IGSF10: variants seen among roughly 807,000 people sequenced by gnomAD.
IGSF10 encodes calvaria mechanical force protein 608.
A neutral mutation model predicts 128.2 loss-of-function variants in IGSF10; 126 were observed. The observed-to-expected ratio is 0.98, with a 90% CI of 0.85 to 1.14. The LOEUF (loss-of-function observed/expected upper bound fraction) is 1.14. Ranked by LOEUF, IGSF10 falls within the 50% of genes most tolerant of loss-of-function variation. IGSF10 has a pLI of 0.00. For missense variants in IGSF10, 3,295 were observed against 3,149.8 expected (o/e 1.05, Z -1.10); for synonymous variants, 1,185 against 1,146.2 (o/e 1.03, Z -0.68).
At chr3:151,454,019 C>T (rs1480612025) in intron 4 of IGSF10, among the ~76,000 whole-genome samples, 1 of 126,652 alleles carries the variant, frequency 7.9e-6, no homozygotes, top group African/African-American at 3.0e-5. Flanking sequence ...TTTTCTTTTT[C>T]TTTTTTTTTT....
At chr3:151,533,720 A>T in the IGSF10 span, among the ~76,000 whole-genome samples, 2 of 152,202 alleles carry the variant, frequency 1.3e-5, no homozygotes, top group African/African-American at 4.8e-5. Flanking sequence ...AACTTAGGCA[A>T]TACCATTCAG....
Position 151,445,779 on chromosome 3 carries a change from G to T in IGSF10, c.4202C>A (p.Thr1401Lys), listed in dbSNP as rs1175653934. 1 of 1,614,250 alleles carries T rather than the reference G, an allele frequency of 6.2e-7. No homozygotes were observed. Among genetic ancestry groups the T allele is most frequent in the Admixed American group, 1.7e-5 (1 of 60,030 alleles). The change falls in exon 6 of 8, where the codon ACA becomes AAA. Residue 1401 changes from threonine (T) to lysine (K), a missense_variant. Coordinates refer to ENST00000282466, the MANE Select transcript of IGSF10 (RefSeq NM_178822.5). ...ACTGATTGTGCTTGAAATCCCAGTTGTGTTTTCTGGTGGGGAATGAGTGAA... is the reference window on the plus strand; with the variant it reads ...ACTGATTGTGCTTGAAATCCCAGTTTTGTTTTCTGGTGGGGAATGAGTGAA... The part of the protein sequence containing the change: ...SAFTHSPPEN[T>K]TGISSTISFH...
At chr3:151,491,325 C>T in the IGSF10 span, among the ~76,000 whole-genome samples, 26 of 152,188 alleles carry the variant, frequency 1.7e-4, no homozygotes, top group African/African-American at 6.3e-4. Flanking sequence ...GCCTGTAATC[C>T]CAGCACTTTG....
At chr3:151,461,638 AATACC>A (rs1346637813), upstream of IGSF10, among the ~76,000 whole-genome samples, 2 of 152,152 alleles carry the variant, frequency 1.3e-5, no homozygotes, top group African/African-American at 4.8e-5. Context: ...AAGAATCCCA[AATACC>A]ATACAATTTT....
In IGSF10 at chr3:151,448,687, C is replaced by A; in HGVS notation, c.1294G>T (p.Asp432Tyr). The A allele has an allele frequency of 6.2e-7, 1 of 1,614,136 alleles. No individual in the cohort carries two copies. Among genetic ancestry groups the A allele is most frequent in the Non-Finnish European group, 8.5e-7 (1 of 1,180,016 alleles). Residue 432 changes from aspartate to tyrosine, a missense_variant, in exon 6 of 8, where the codon GAC (aspartate) becomes TAC (tyrosine). By Grantham distance (160) the Asp-to-Tyr change is radical (BLOSUM62 -3). Transcript: ENST00000282466. The stretch of plus-strand genomic sequence containing the variant: ...CTGTTCAGCTGCAAGGAAATTTGGT[C>A]TTGCATTAACCAAGAGGGATCTGCT... The part of the protein sequence containing the change: ...LRADPSWLMQ[D>Y]QISLQLNRTA...
chr3:151,568,555 C>A, the IGSF10 span, among the ~76,000 whole-genome samples: 1 of 152,126 alleles, frequency 6.6e-6, no homozygotes, highest in African/African-American at 2.4e-5. Context: ...CTTTATAAAA[C>A]CCTGCTTCAC....
At chr3:151,487,441 AAAC>A in the IGSF10 span, among the ~76,000 whole-genome samples, 1 of 152,326 alleles carries the variant, frequency 6.6e-6, no homozygotes, top group East Asian at 1.9e-4. Context: ...CAACTATTCC[AAAC>A]AATACAAAAA....
chr3:151,597,241 A>C, the IGSF10 span, among the ~76,000 whole-genome samples: 1 of 152,324 alleles, frequency 6.6e-6, no homozygotes, highest in African/African-American at 2.4e-5. Flanking sequence ...ATGGACACAG[A>C]TTCTACTTCA....
the IGSF10 span, among the ~76,000 whole-genome samples, chr3:151,572,628 G>A: frequency 9.4e-4 from 142 of 151,834 alleles, no homozygotes; most frequent in Non-Finnish European, 1.1e-3. Context: ...TATTAGTCTT[G>A]CTAGTGTACT....
At chr3:151,546,134 G>A in the IGSF10 span, among the ~76,000 whole-genome samples, 4 of 151,564 alleles carry the variant, frequency 2.6e-5, no homozygotes, top group African/African-American at 9.7e-5. Flanking sequence ...TCTCAACCTG[G>A]GAGCATCAAA....
chr3:151,511,007 T>C, the IGSF10 span, among the ~76,000 whole-genome samples: 144 of 152,164 alleles, frequency 9.5e-4, no homozygotes, highest in African/African-American at 3.3e-3. Flanking sequence ...CTGAAAGTGA[T>C]GCGGAGAATG....
chr3:151,544,389 TTTCTC>T, the IGSF10 span, among the ~76,000 whole-genome samples: 1 of 152,204 alleles, frequency 6.6e-6, no homozygotes, highest in Non-Finnish European at 1.5e-5. Flanking sequence ...GATTTCCTGT[TTTCTC>T]TACCTCACAT....
In IGSF10 at chr3:151,453,400, C is replaced by T; in HGVS notation, c.699G>A (p.Trp233Ter). The T allele has an allele frequency of 6.3e-7, 1 of 1,598,262 alleles. No homozygotes were observed. The highest frequency in any genetic ancestry group is 1.7e-4 in the Middle Eastern group (1 of 5,956). ...TATAGATACCTGGCTTCTCCTGTATCCAGTCAGACAACCACTTTAAATGGC... is the reference window on the plus strand; with the variant it reads ...TATAGATACCTGGCTTCTCCTGTATTCAGTCAGACAACCACTTTAAATGGC... ...CDCHLKWLSD[W>*]IQEKPDVIKC... The change falls in exon 5 of 8, where the codon TGG becomes TGA. Residue 233 changes from tryptophan to a stop codon, truncating the protein, a stop_gained. Coordinates refer to ENST00000282466, the MANE Select transcript of IGSF10 (RefSeq NM_178822.5). LOFTEE classifies it high-confidence loss of function.
the IGSF10 span, among the ~76,000 whole-genome samples, chr3:151,617,338 T>TCCTCCC: frequency 5.3e-4 from 67 of 125,312 alleles, 1 homozygote; most frequent in Non-Finnish European, 6.0e-4. Flanking sequence ...CTCCTCCCCC[T>TCCTCCC]CCTCCTCCTC....
chr3:151,583,440 CA>C, the IGSF10 span, among the ~76,000 whole-genome samples: 1 of 152,072 alleles, frequency 6.6e-6, no homozygotes, highest in African/African-American at 2.4e-5. Context: ...AACTTTCACC[CA>C]GTTATTTAAA....
At position 151,444,960 on chromosome 3, in the gene IGSF10, C is replaced by T; in HGVS notation, c.5021G>A (p.Gly1674Glu). Residue 1674 changes from glycine to glutamate, a missense_variant, in exon 6 of 8, where the codon GGA (glycine) becomes GAA (glutamate). By Grantham distance (98) the Gly-to-Glu change is moderately conservative (BLOSUM62 -2). Coordinates refer to ENST00000282466, the MANE Select transcript of IGSF10 (RefSeq NM_178822.5). ...SDAFLPCEAV[G>E]NPLPTIHWTR... The stretch of plus-strand genomic sequence containing the variant: ...CCAATGAATGGTGGGCAGGGGATTT[C>T]CAACAGCTTCACAGGGAAGAAAGGC... 6.2e-7 allele frequency: 1 copy of T among 1,613,194 alleles called. No individual in the cohort carries two copies. The highest frequency in any genetic ancestry group is 1.1e-5 in the South Asian group (1 of 90,772).
At chr3:151,453,940 T>C (rs1265471919) in intron 4 of IGSF10, among the ~76,000 whole-genome samples, 166 bp from the exon 5 acceptor site, 1 of 152,064 alleles carries the variant, frequency 6.6e-6, no homozygotes, top group East Asian at 1.9e-4. Context: ...TATGACAATA[T>C]CAGAAAAATT....
Position 151,436,889 on chromosome 3 carries a change from G to C in IGSF10, c.7672C>G (p.Pro2558Ala), listed in dbSNP as rs1321229814. ...TCAGGCATCTCCCATGTGATTTCTG[G>C]CTTGGGAACTCCCAAGGCCACACAG... ...LHCVALGVPKPEITWEMPDHS... is the reference protein window; with the variant it reads ...LHCVALGVPKAEITWEMPDHS... Residue 2558 changes from proline (P) to alanine (A), a missense_variant, in exon 8 of 8, where the codon CCA becomes GCA. Transcript: ENST00000282466. 6.2e-7 allele frequency: 1 copy of C among 1,613,958 alleles called. No homozygotes were observed. Among genetic ancestry groups the C allele is most frequent in the Non-Finnish European group, 8.5e-7 (1 of 1,180,006 alleles).
the IGSF10 span, among the ~76,000 whole-genome samples, chr3:151,510,017 C>T: frequency 6.6e-6 from 1 of 152,220 alleles, no homozygotes; most frequent in Non-Finnish European, 1.5e-5. Context: ...CTCAAGGAGG[C>T]CTGCCTGCCT....
Sources: allele counts gnomAD v4.1 joint callset (sites outside exome capture counted in the v4.1 genomes callset), GRCh38; gene constraint gnomAD v4.1.1; transcripts MANE v1.5; gene names NCBI Gene and HGNC (gene_info 2026-07-23, HGNC 2026-07-21).